FAM81A: variants seen among roughly 807,000 people sequenced by gnomAD.
The protein encoded by FAM81A is protein FAM81A.
A neutral mutation model predicts 46.7 loss-of-function variants in FAM81A; 19 were observed. The ratio of observed to expected loss-of-function variants is 0.41; its 90% CI spans 0.28 to 0.60. The LOEUF (loss-of-function observed/expected upper bound fraction) is 0.60. Ranked by LOEUF, FAM81A falls within the 20% of genes least tolerant of loss-of-function variation. The pLI, the probability that FAM81A is intolerant of heterozygous loss-of-function variation, is 0.34. For synonymous variants in FAM81A, 183 were observed against 152.9 expected, an observed-to-expected ratio of 1.20 and a Z score of -1.45; for missense variants, 377 against 453.5, an observed-to-expected ratio of 0.83 and a Z score of 1.53.
intron 2 of FAM81A, among the ~76,000 whole-genome samples, chr15:59,404,410 G>A (rs1488237102): frequency 2.0e-5 from 3 of 152,220 alleles, no homozygotes; most frequent in African/African-American, 7.2e-5. Flanking sequence ...TAGAAAGGCT[G>A]TTCACTTTGG....
At chr15:59,415,836 C>T (rs1316158360) in intron 2 of FAM81A, among the ~76,000 whole-genome samples, 3 of 152,134 alleles carry the variant, frequency 2.0e-5, no homozygotes, top group Non-Finnish European at 4.4e-5. Flanking sequence ...GAACCACTCT[C>T]CTATACCTCT....
intron 2 of FAM81A, among the ~76,000 whole-genome samples, chr15:59,402,930 A>C (rs749995206): frequency 1.2e-4 from 18 of 152,122 alleles, no homozygotes; most frequent in Non-Finnish European, 2.4e-4. Flanking sequence ...ATTCTTTGTT[A>C]GGTAAAATTT....
At chr15:59,443,401 A>T (rs982053874) in intron 1 of FAM81A, among the ~76,000 whole-genome samples, 25 of 152,338 alleles carry the variant, frequency 1.6e-4, no homozygotes, top group African/African-American at 6.0e-4. Flanking sequence ...TTTTAAAAAA[A>T]AGATGTTTTC....
intron 3 of FAM81A, among the ~76,000 whole-genome samples, chr15:59,485,728 TTAAC>T (rs1158149142): frequency 1.3e-5 from 2 of 151,866 alleles, no homozygotes; most frequent in African/African-American, 2.4e-5. Context: ...CCTCACCAAA[TTAAC>T]TAAATAAGAC....
chr15:59,449,446 A>T (rs1160766558), intron 1 of FAM81A, among the ~76,000 whole-genome samples: 1 of 152,170 alleles, frequency 6.6e-6, no homozygotes, highest in Non-Finnish European at 1.5e-5. Context: ...TTGAGATGTT[A>T]CAGATTTGGC....
chr15:59,398,855 T>A (rs1387744164), intron 1 of FAM81A, among the ~76,000 whole-genome samples: 1 of 147,874 alleles, frequency 6.8e-6, no homozygotes, highest in Non-Finnish European at 1.5e-5. Flanking sequence ...TATGTCTTCC[T>A]AGTCCAAGCT....
At chr15:59,485,580 A>C (rs1305352589) in intron 3 of FAM81A, among the ~76,000 whole-genome samples, 4 of 152,258 alleles carry the variant, frequency 2.6e-5, no homozygotes, top group Admixed American at 2.0e-4. Context: ...CCCCTAATGC[A>C]GATATGGTTG....
intron 1 of FAM81A, among the ~76,000 whole-genome samples, chr15:59,450,996 G>T (rs1224876789): frequency 6.6e-6 from 1 of 152,180 alleles, no homozygotes; most frequent in East Asian, 1.9e-4. Context: ...ACCATGCAAG[G>T]TGTGAACACC....
upstream of FAM81A, among the ~76,000 whole-genome samples, chr15:59,437,976 G>C (rs774531464): frequency 6.6e-5 from 10 of 151,836 alleles, no homozygotes; most frequent in Non-Finnish European, 1.3e-4. Context: ...GAGGGAGGAG[G>C]GGCGGCGCCG....
In FAM81A at chr15:59,514,309, A is replaced by G; in HGVS notation, c.671A>G (p.Glu224Gly). Residue 224 changes from glutamate to glycine, a missense_variant, in exon 7 of 9, where the codon GAA becomes GGA. By Grantham distance (98) the Glu-to-Gly change is moderately conservative. Transcript: ENST00000288228. ...LDTKFKGTVEELSNQILSARS... is the reference protein window; with the variant it reads ...LDTKFKGTVEGLSNQILSARS... ...TTTAGATTTAAAGGTACAGTTGAGG[A>G]ACTCAGTAACCAGATATTATCTGCA... is the stretch of plus-strand genomic sequence containing the variant. 6.2e-7 allele frequency: 1 copy of G among 1,607,790 alleles called. No homozygotes were observed. The highest frequency in any genetic ancestry group is 8.5e-7 in the Non-Finnish European group (1 of 1,177,902).
At chr15:59,450,184 C>A (rs1304209837) in intron 1 of FAM81A, among the ~76,000 whole-genome samples, 5 of 151,436 alleles carry the variant, frequency 3.3e-5, no homozygotes, top group African/African-American at 1.2e-4. Flanking sequence ...GCCGCCTCGG[C>A]CTCCCAAAGG....
chr15:59,436,751 A>G (rs1397301873), upstream of FAM81A, among the ~76,000 whole-genome samples: 2 of 152,118 alleles, frequency 1.3e-5, no homozygotes, highest in African/African-American at 4.8e-5. Context: ...TGGGAATCTA[A>G]CCGAGAAAGG....
rs1161477742 is a variant in FAM81A, at chr15:59,505,936, C to T, written c.414-1277C>T. ...ACTTTCCTTGAATGTCTGGCCATCTCTTATTCCAGGCAAAATGAATCTCCC... is the reference window on the plus strand; with the variant it reads ...ACTTTCCTTGAATGTCTGGCCATCTTTTATTCCAGGCAAAATGAATCTCCC... On this transcript the variant is annotated intron_variant, in intron 4 of 8. Coordinates refer to ENST00000288228, the MANE Select transcript of FAM81A (RefSeq NM_152450.3). 2.0e-5 allele frequency among the ~76,000 whole-genome samples: 3 copies of T among 152,182 alleles called. No individual in the cohort carries two copies. In the South Asian group the frequency reaches 6.2e-4, roughly 32 times the overall value.
chr15:59,513,274 G>T (rs1055761072), intron 6 of FAM81A, among the ~76,000 whole-genome samples: 1 of 152,062 alleles, frequency 6.6e-6, no homozygotes, highest in Non-Finnish European at 1.5e-5. Context: ...GGGCAATTTG[G>T]GGAACGTTAG....
chr15:59,515,066 G>A (rs2082252609), intron 7 of FAM81A, among the ~76,000 whole-genome samples: 1 of 152,028 alleles, frequency 6.6e-6, no homozygotes, highest in South Asian at 2.1e-4. Context: ...GAAACATGGT[G>A]AAACCCCATC....
intron 3 of FAM81A, among the ~76,000 whole-genome samples, chr15:59,476,281 G>A (rs1052733279): frequency 6.0e-5 from 9 of 151,190 alleles, no homozygotes; most frequent in African/African-American, 1.9e-4. Flanking sequence ...GGAATGCAGT[G>A]GTATGATCAT....
At chr15:59,414,968 A>C (rs2081139661) in intron 2 of FAM81A, among the ~76,000 whole-genome samples, 1 of 151,872 alleles carries the variant, frequency 6.6e-6, no homozygotes. Context: ...GGCGTCCGCC[A>C]CAATGCCTGG....
At chr15:59,405,727 A>G (rs567755696) in intron 2 of FAM81A, among the ~76,000 whole-genome samples, 1 of 152,272 alleles carries the variant, frequency 6.6e-6, no homozygotes, top group East Asian at 1.9e-4. Context: ...TGCACTCCAC[A>G]CACAAGGAGA....
chr15:59,437,108 A>G, upstream of FAM81A, among the ~76,000 whole-genome samples: 1 of 152,170 alleles, frequency 6.6e-6, no homozygotes, highest in Non-Finnish European at 1.5e-5. Flanking sequence ...ACCCACAAAT[A>G]TTTCAAAGAT....
Sources: allele counts gnomAD v4.1 joint callset (sites outside exome capture counted in the v4.1 genomes callset), GRCh38; gene constraint gnomAD v4.1.1; transcripts MANE v1.5; gene names NCBI Gene and HGNC (gene_info 2026-07-23, HGNC 2026-07-21).